COL5A2: variants seen among roughly 807,000 people sequenced by gnomAD.
The protein encoded by COL5A2 is collagen type V alpha 2 chain.
In COL5A2, 23 loss-of-function variants were observed where a neutral mutation model predicts 208.2. The ratio of observed to expected loss-of-function variants is 0.11; its 90% CI spans 0.08 to 0.16. The LOEUF (loss-of-function observed/expected upper bound fraction) is 0.16, where lower values mean the gene tolerates loss of function less well. Among genes scored for constraint, COL5A2 ranks in the 10% least tolerant of loss-of-function variants. The probability of loss-of-function intolerance (pLI) is 1.00; values close to 1 mark genes in which losing one functional copy is unlikely to be tolerated. For missense variants in COL5A2, 1,590 were observed against 1,956.4 expected (o/e 0.81, Z 3.53); for synonymous variants, 625 against 628.5 (o/e 0.99, Z 0.08).
chr2:189,053,837 GATTA>G (rs1685842204), intron 37 of COL5A2, 54 bp downstream of exon 37: 24 of 1,363,186 alleles, frequency 1.8e-5, no homozygotes, highest in East Asian at 2.4e-5. Flanking sequence ...AAAACAAAAT[GATTA>G]ATTGTTTTAT....
chr2:189,282,533 T>C, the COL5A2 span, among the ~76,000 whole-genome samples: 5 of 152,258 alleles, frequency 3.3e-5, no homozygotes, highest in Admixed American at 6.5e-5. Flanking sequence ...CTTGTAATAC[T>C]GAAATAATAA....
rs565087289 is a variant in COL5A2 at position 189,163,640 on chromosome 2, C to A, written c.97+15868G>T. ...AACTTCAAATGCAAACTCACAAGTA[C>A]AGAAATGTATTACCATAGAGATTAT... is the stretch of plus-strand genomic sequence containing the variant. On this transcript the variant is annotated intron_variant, in intron 1 of 53. Coordinates refer to ENST00000374866, the MANE Select transcript of COL5A2 (RefSeq NM_000393.5). Among the ~76,000 whole-genome samples the A allele has an allele frequency of 3.2e-4, 49 of 152,278 alleles. No homozygotes were observed. In the East Asian group the frequency reaches 3.9e-3, roughly 12 times the overall value.
the COL5A2 span, among the ~76,000 whole-genome samples, chr2:189,292,668 A>C: frequency 6.6e-6 from 1 of 152,212 alleles, no homozygotes; most frequent in Non-Finnish European, 1.5e-5. Context: ...ACTGTAAACT[A>C]GCTGAACCAT....
At chr2:189,145,701 A>G (rs1025917312) in intron 1 of COL5A2, among the ~76,000 whole-genome samples, 4 of 152,092 alleles carry the variant, frequency 2.6e-5, no homozygotes, top group African/African-American at 9.7e-5. Context: ...AAAAATACAT[A>G]CTTTTCTAAG....
the COL5A2 span, among the ~76,000 whole-genome samples, chr2:189,372,355 C>T: frequency 1.3e-5 from 2 of 152,284 alleles, no homozygotes; most frequent in South Asian, 4.1e-4. Flanking sequence ...ACTCAAAGTA[C>T]TTGCTTTCAA....
chr2:189,189,050 T>G (rs1223661246), intron 1 of COL5A2, among the ~76,000 whole-genome samples: 1 of 152,216 alleles, frequency 6.6e-6, no homozygotes, highest in Non-Finnish European at 1.5e-5. Context: ...TTTTTATAAA[T>G]TGGCCCTTGA....
At chr2:189,379,581 T>C in the COL5A2 span, among the ~76,000 whole-genome samples, 1 of 152,168 alleles carries the variant, frequency 6.6e-6, no homozygotes, top group Admixed American at 6.5e-5. Context: ...GCTCAAGACA[T>C]GTTAGTGGAG....
At chr2:189,303,725 T>C in the COL5A2 span, among the ~76,000 whole-genome samples, 1 of 152,206 alleles carries the variant, frequency 6.6e-6, no homozygotes, top group African/African-American at 2.4e-5. Context: ...GACTGCTGAA[T>C]GTTCAAACTG....
the COL5A2 span, among the ~76,000 whole-genome samples, chr2:189,314,397 A>G: frequency 2.0e-5 from 3 of 152,242 alleles, no homozygotes; most frequent in East Asian, 5.8e-4. Context: ...ACTAATGAAA[A>G]CAAAGATACA....
chr2:189,051,123 C>T (rs1685777690), intron 42 of COL5A2, among the ~76,000 whole-genome samples, 197 bp downstream of exon 42: 1 of 151,948 alleles, frequency 6.6e-6, no homozygotes, highest in African/African-American at 2.4e-5. Flanking sequence ...TTTTTAGATA[C>T]CATATCTATT....
chr2:189,055,885 ACTGCACTACTTAT>A (rs1685890986), intron 35 of COL5A2, among the ~76,000 whole-genome samples: 1 of 152,230 alleles, frequency 6.6e-6, no homozygotes, highest in Non-Finnish European at 1.5e-5. Context: ...TATAAATAGT[ACTGCACTACTTAT>A]GCATTCCAGG....
At chr2:189,062,376 G>T (rs1055698134) in intron 29 of COL5A2, among the ~76,000 whole-genome samples, 1 of 151,706 alleles carries the variant, frequency 6.6e-6, no homozygotes, top group African/African-American at 2.4e-5. Context: ...TAGAGACAGG[G>T]TTTCACCATG....
At chr2:189,036,908 AAGG>A (rs1685454313) in intron 51 of COL5A2, 105 bp from the exon 52 acceptor site, 2 of 941,970 alleles carry the variant, frequency 2.1e-6, no homozygotes, top group African/African-American at 3.3e-5. Flanking sequence ...CTCACTGATT[AAGG>A]ATTCTTTTAA....
chr2:189,231,681 T>C, the COL5A2 span, among the ~76,000 whole-genome samples: 1 of 151,748 alleles, frequency 6.6e-6, no homozygotes, highest in Non-Finnish European at 1.5e-5. Context: ...TAGACAGAGA[T>C]GATACAGATA....
At chr2:189,348,149 A>T in the COL5A2 span, among the ~76,000 whole-genome samples, 1 of 152,130 alleles carries the variant, frequency 6.6e-6, no homozygotes, top group East Asian at 1.9e-4. Context: ...TACCTTGATT[A>T]TACCTCTTTC....
At chr2:189,196,646 T>A (rs371531768) in intron 1 of COL5A2, among the ~76,000 whole-genome samples, 30 of 151,880 alleles carry the variant, frequency 2.0e-4, no homozygotes, top group African/African-American at 7.0e-4. Context: ...AAGCTAGGAG[T>A]AATTCACTTA....
chr2:189,103,603 T>C (rs1687090471), intron 3 of COL5A2, among the ~76,000 whole-genome samples: 1 of 152,024 alleles, frequency 6.6e-6, no homozygotes, highest in African/African-American at 2.4e-5. Context: ...TATCTTCGCT[T>C]CGTAGGATTA....
At chr2:189,087,674 A>G (rs1412670540) in intron 8 of COL5A2, among the ~76,000 whole-genome samples, 1 of 147,512 alleles carries the variant, frequency 6.8e-6, no homozygotes, top group Non-Finnish European at 1.5e-5. Context: ...TCATCGTGTT[A>G]GCCAGAATGG....
At chr2:189,168,241 T>TG (rs1553523276) in intron 1 of COL5A2, among the ~76,000 whole-genome samples, 3 of 150,796 alleles carry the variant, frequency 2.0e-5, no homozygotes, top group Non-Finnish European at 4.4e-5. Flanking sequence ...GCCCGGGTTT[T>TG]TTTTTTTTTT....
Sources: gnomAD v4.1 joint callset for allele counts (sites outside exome capture counted in the v4.1 genomes callset) on GRCh38, gnomAD v4.1.1 for gene constraint, MANE v1.5 for transcripts, NCBI Gene and HGNC (gene_info 2026-07-23, HGNC 2026-07-21) for gene names.